Variants in TLK2 observed in about 807,000 individuals in gnomAD.
The protein encoded by TLK2 is tousled like kinase 2.
In TLK2, 6 loss-of-function variants were observed where a neutral mutation model predicts 117.3. The ratio of observed to expected loss-of-function variants is 0.05; its 90% CI spans 0.03 to 0.10. The LOEUF (loss-of-function observed/expected upper bound fraction) is 0.10. Among genes scored for constraint, TLK2 ranks in the 10% least tolerant of loss-of-function variants. TLK2 has a pLI of 1.00. For synonymous variants in TLK2, 257 were observed against 316.7 expected, an observed-to-expected ratio of 0.81 and a Z score of 2.00; for missense variants, 299 against 901.2, an observed-to-expected ratio of 0.33 and a Z score of 8.56.
At chr17:62,538,621 C>CT (rs1235360744) in intron 7 of TLK2, among the ~76,000 whole-genome samples, 1 of 152,192 alleles carries the variant, frequency 6.6e-6, no homozygotes, top group Admixed American at 6.5e-5. Flanking sequence ...CTACTTAGTC[C>CT]TATCAGCTGA....
intron 2 of TLK2, among the ~76,000 whole-genome samples, chr17:62,519,683 T>C (rs2075895791): frequency 6.6e-6 from 1 of 152,154 alleles, no homozygotes; most frequent in Non-Finnish European, 1.5e-5. Context: ...TATTTCTTCC[T>C]CTTGATGCTA....
At position 62,497,424 on chromosome 17, in the gene TLK2, G is replaced by A. The variant is rs912816826; in HGVS notation, c.81+16218G>A. Reference sequence around the variant, plus strand: ...AGAAGCTATGCACATAATTATTAGAGATGTTGTGTGGAGAATCATTGTGGA... The same window carrying A: ...AGAAGCTATGCACATAATTATTAGAAATGTTGTGTGGAGAATCATTGTGGA... On this transcript the variant is annotated intron_variant, in intron 2 of 21. Transcript: ENST00000346027. 5.3e-5 allele frequency among the ~76,000 whole-genome samples: 8 copies of A among 152,306 alleles called. No homozygotes were observed. In the East Asian group the frequency reaches 5.8e-4, roughly 11 times the overall value.
chr17:62,516,762 C>T (rs2075630026), intron 2 of TLK2: 1 of 1,553,348 alleles, frequency 6.4e-7, no homozygotes, highest in South Asian at 1.1e-5. Context: ...TCTTAGGCAT[C>T]AACATCTCTG....
chr17:62,590,144 A>G (rs571428597), intron 16 of TLK2, among the ~76,000 whole-genome samples: 24 of 144,848 alleles, frequency 1.7e-4, no homozygotes, highest in Non-Finnish European at 1.5e-4. Flanking sequence ...AACAAACAGC[A>G]GCACCGGCTG....
intron 7 of TLK2, among the ~76,000 whole-genome samples, chr17:62,537,315 A>G (rs1358018116): frequency 3.3e-5 from 5 of 152,248 alleles, no homozygotes; most frequent in Admixed American, 6.5e-5. Context: ...CATGATATGG[A>G]ATGTTTTCTT....
At chr17:62,483,204 TC>T (rs1310405378) in intron 2 of TLK2, among the ~76,000 whole-genome samples, 2 of 104,454 alleles carry the variant, frequency 1.9e-5, no homozygotes, top group Non-Finnish European at 3.8e-5. Context: ...CACCCCCGCC[TC>T]CCGTAAGTCA....
chr17:62,534,881 CTTTTTTTTT>C (rs386386398), intron 6 of TLK2, among the ~76,000 whole-genome samples: 657 of 73,034 alleles, frequency 9.0e-3, no homozygotes, highest in Middle Eastern at 0.029. Flanking sequence ...TAATTCCAGT[CTTTTTTTTT>C]TTTTTTTTTT....
chr17:62,536,137 A>G (rs1274836484), intron 6 of TLK2, 33 bp from the exon 7 acceptor site: 3 of 1,596,572 alleles, frequency 1.9e-6, no homozygotes, highest in Non-Finnish European at 2.6e-6. Context: ...TATCTTTCTC[A>G]TGTCATTTGT....
chr17:62,529,299 C>T lies in TLK2; in HGVS notation c.363+4968C>T, dbSNP rs570752207. On this transcript the variant is annotated intron_variant, in intron 6 of 21. Transcript: ENST00000346027. ...GTTGCCCAGGCTGGAGTTCAGTGCA[C>T]GATCTTGGCTCACTACAACCTCCGC... 3.9e-5 allele frequency among the ~76,000 whole-genome samples: 6 copies of T among 152,098 alleles called. No homozygotes were observed. In the East Asian group the frequency reaches 9.6e-4, roughly 24 times the overall value.
intron 2 of TLK2, among the ~76,000 whole-genome samples, chr17:62,511,991 G>A (rs560265980): frequency 1.3e-5 from 2 of 152,230 alleles, no homozygotes; most frequent in South Asian, 4.1e-4. Context: ...AAAAGAAACC[G>A]TCAAAAAAGC....
At chr17:62,576,660 A>C (rs1161501951) in intron 12 of TLK2, 49 bp from the exon 13 acceptor site, 58 of 1,428,324 alleles carry the variant, frequency 4.1e-5, no homozygotes, top group Non-Finnish European at 5.6e-5. Context: ...TTAAACAGGC[A>C]AACTATGATT....
intron 12 of TLK2, among the ~76,000 whole-genome samples, chr17:62,574,660 C>T (rs1245610381): frequency 2.0e-5 from 3 of 152,042 alleles, no homozygotes; most frequent in Non-Finnish European, 4.4e-5. Context: ...GGACTACAGG[C>T]GTGCACCACC....
intron 17 of TLK2, among the ~76,000 whole-genome samples, chr17:62,598,623 C>G (rs1163066520): frequency 1.3e-5 from 2 of 151,884 alleles, no homozygotes; most frequent in Non-Finnish European, 2.9e-5. Flanking sequence ...CTCCCAGGTT[C>G]AAGCGATTCT....
chr17:62,533,953 C>T (rs1055802575), intron 6 of TLK2, among the ~76,000 whole-genome samples: 7 of 151,832 alleles, frequency 4.6e-5, no homozygotes, highest in South Asian at 4.2e-4. Flanking sequence ...AATAAGTTCC[C>T]GCTAATATGA....
chr17:62,583,025 G>A (rs1040263454), intron 15 of TLK2, among the ~76,000 whole-genome samples: 1 of 151,992 alleles, frequency 6.6e-6, no homozygotes, highest in Non-Finnish European at 1.5e-5. Flanking sequence ...CTCCTCTGTC[G>A]ATGGACACTT....
At chr17:62,496,897 C>G (rs890816169) in intron 2 of TLK2, among the ~76,000 whole-genome samples, 20 of 145,482 alleles carry the variant, frequency 1.4e-4, no homozygotes, top group African/African-American at 5.2e-4. Flanking sequence ...GCAGAACTTG[C>G]AGTGAGCCAA....
chr17:62,555,719 C>T (rs1200190350), intron 9 of TLK2, among the ~76,000 whole-genome samples: 3 of 152,148 alleles, frequency 2.0e-5, no homozygotes, highest in Non-Finnish European at 4.4e-5. Flanking sequence ...CCTTGTGATC[C>T]ACCCACCTCG....
At chr17:62,576,985 T>TG (rs1193891823) in intron 13 of TLK2, among the ~76,000 whole-genome samples, 4 of 149,658 alleles carry the variant, frequency 2.7e-5, no homozygotes, top group African/African-American at 9.8e-5. Context: ...TTTTTTGAGT[T>TG]GGAGTCTCAC....
intron 8 of TLK2, among the ~76,000 whole-genome samples, chr17:62,553,238 T>C (rs2032737): frequency 0.34 from 51,044 of 151,964 alleles, 8,784 homozygotes; most frequent in Admixed American, 0.4. Flanking sequence ...AGTTAGATAG[T>C]TGAGCACTCA....
Sources: gnomAD v4.1 joint callset for allele counts (sites outside exome capture counted in the v4.1 genomes callset) on GRCh38, gnomAD v4.1.1 for gene constraint, MANE v1.5 for transcripts, NCBI Gene and HGNC (gene_info 2026-07-23, HGNC 2026-07-21) for gene names.